The following DCUN1D2 variants were observed in gnomAD, a reference collection of about 807,000 sequenced individuals.
The protein encoded by DCUN1D2 is DCN1-like protein 2.
DCUN1D2 carries 29 observed loss-of-function variants against 30.9 expected under a neutral mutation model. That is an observed-to-expected ratio of 0.94 (90% CI 0.70 to 1.28). The LOEUF is 1.28. Ranked by LOEUF, DCUN1D2 falls within the 50% of genes most tolerant of loss-of-function variation. The probability of loss-of-function intolerance (pLI) is 0.00; values close to 1 mark genes in which losing one functional copy is unlikely to be tolerated. For missense variants in DCUN1D2, 325 were observed against 316.9 expected (o/e 1.03, Z -0.19); for synonymous variants, 121 against 115.3 (o/e 1.05, Z -0.32).
intron 5 of DCUN1D2, among the ~76,000 whole-genome samples, chr13:113,460,278 G>A (rs1368730069): frequency 6.6e-6 from 1 of 152,200 alleles, no homozygotes; most frequent in Non-Finnish European, 1.5e-5. Flanking sequence ...CGTGCCCAAG[G>A]CCACAGGACT....
chr13:113,488,717 C>A lies in DCUN1D2; in HGVS notation c.3+1950G>T, dbSNP rs1017943410. Among the ~76,000 whole-genome samples the A allele has an allele frequency of 3.3e-5, 5 of 152,166 alleles. No individual in the cohort carries two copies. The highest frequency in any genetic ancestry group is 2.0e-4 in the Admixed American group (3 of 15,276). On this transcript the variant is annotated intron_variant, in intron 1 of 6. Coordinates refer to ENST00000478244, the MANE Select transcript of DCUN1D2 (RefSeq NM_001014283.2). This position sits in a 1 kb window ranked among gnomAD's most constrained non-coding sequence, Gnocchi z 4.3. ...GCAAGAAGCTTCGAGTGCACCCAGA[C>A]AGGACTGAACCCAGGTCAATCTAAT...
chr13:113,487,291 A>G (rs1429374685), intron 1 of DCUN1D2, among the ~76,000 whole-genome samples: 2 of 152,248 alleles, frequency 1.3e-5, no homozygotes, highest in African/African-American at 4.8e-5. Flanking sequence ...TGACGCCCTT[A>G]TTATGGAAGT....
At chr13:113,489,741 G>A (rs755586215) in intron 1 of DCUN1D2, among the ~76,000 whole-genome samples, 10 of 151,974 alleles carry the variant, frequency 6.6e-5, no homozygotes, top group Admixed American at 3.3e-4. Flanking sequence ...AGCCGCACAC[G>A]GCTGGCTGCC....
rs41286634 is a variant in DCUN1D2, at chr13:113,457,667, C to T, written c.*362G>A. 8.5e-5 allele frequency: 14 copies of T among 165,542 alleles called. No individual in the cohort carries two copies. The highest frequency in any genetic ancestry group is 2.0e-4 in the South Asian group (1 of 4,966). The allele number at this position is 165,542 out of a possible 1,614,324, so 10.3% of individuals were successfully genotyped here. ...GCCACCGCAACGTCATTCGGCGGGACGCTGCCGGACGCTGGTTCGCCTGAC... is the reference window on the plus strand; with the variant it reads ...GCCACCGCAACGTCATTCGGCGGGATGCTGCCGGACGCTGGTTCGCCTGAC... On this transcript the variant is annotated 3_prime_UTR_variant, in exon 7 of 7. Coordinates refer to ENST00000478244, the MANE Select transcript of DCUN1D2 (RefSeq NM_001014283.2).
Position 113,480,571 on chromosome 13 carries a change from T to C in DCUN1D2, c.389+4A>G. On this transcript the variant is annotated splice_donor_region_variant and intron_variant, in intron 3 of 6. Coordinates refer to ENST00000478244, the MANE Select transcript of DCUN1D2 (RefSeq NM_001014283.2). ...AACATTTAAGCTAAGAATAGTTGAC[T>C]TACCCAAGTTCTGTCATGCCATCTA... 1 of 1,613,920 alleles carries C rather than the reference T, an allele frequency of 6.2e-7. No individual in the cohort carries two copies. The highest frequency in any genetic ancestry group is 1.1e-5 in the South Asian group (1 of 91,024).
chr13:113,457,990 C>T lies in DCUN1D2; in HGVS notation c.*39G>A, dbSNP rs552645330. The T allele has an allele frequency of 1.3e-6, 2 of 1,569,218 alleles. No individual in the cohort carries two copies. The highest frequency in any genetic ancestry group is 1.7e-5 in the Admixed American group (1 of 59,942). ...CTGACTGCAATCTCCTTGCAGGATA[C>T]AAATCATTTCATAATCTTACTCCTG... is the stretch of plus-strand genomic sequence containing the variant. On this transcript the variant is annotated 3_prime_UTR_variant, in exon 7 of 7. Transcript: ENST00000478244.
chr13:113,463,672 A>G (rs1310052081), intron 4 of DCUN1D2, among the ~76,000 whole-genome samples: 2 of 152,238 alleles, frequency 1.3e-5, no homozygotes, highest in African/African-American at 4.8e-5. Flanking sequence ...ACCGTTAGTT[A>G]AGAGTAAAGC....
At chr13:113,479,481 C>T (rs932975767) in intron 3 of DCUN1D2, among the ~76,000 whole-genome samples, 1 of 152,086 alleles carries the variant, frequency 6.6e-6, no homozygotes, top group Non-Finnish European at 1.5e-5. Flanking sequence ...GGGCCAGGCA[C>T]GGTGGCTCCC....
In DCUN1D2 at chr13:113,461,048, A is replaced by G. The variant is rs778665538; in HGVS notation, c.603+6T>C. The stretch of plus-strand genomic sequence containing the variant: ...GGCACACAGCGAGATGCAGGAGGAC[A>G]CTTACCATTAAGAATGTGTTCCAGA... On this transcript the variant is annotated splice_donor_region_variant and intron_variant, in intron 5 of 6. Coordinates refer to ENST00000478244, the MANE Select transcript of DCUN1D2 (RefSeq NM_001014283.2). 1 of 1,591,904 alleles carries G rather than the reference A, an allele frequency of 6.3e-7. No individual in the cohort carries two copies. Among genetic ancestry groups the G allele is most frequent in the Non-Finnish European group, 8.6e-7 (1 of 1,161,566 alleles).
rs1411473032 is a variant in DCUN1D2 at position 113,490,010 on chromosome 13, C to T, written c.3+657G>A. On this transcript the variant is annotated intron_variant, in intron 1 of 6. Transcript: ENST00000478244. This position sits in a 1 kb window ranked among gnomAD's most constrained non-coding sequence, Gnocchi z 5.2. ...CAGCAGCACCTTGCTGGCCTCTGAA[C>T]CGATGTGGACTGAATAAATCCCATC... Among the ~76,000 whole-genome samples the T allele has an allele frequency of 6.6e-6, 1 of 152,188 alleles. No homozygotes were observed. The highest frequency in any genetic ancestry group is 1.5e-5 in the Non-Finnish European group (1 of 68,036).
upstream of DCUN1D2, chr13:113,490,807 G>C: frequency 1.3e-6 from 1 of 794,200 alleles, no homozygotes; most frequent in African/African-American, 1.8e-5. The surrounding 1 kb of genome is among the most constrained non-coding windows in gnomAD (Gnocchi z 5.2). Context: ...TCCCACTCCC[G>C]GCATGCTCAG....
chr13:113,467,196 T>C (rs1267728832), intron 4 of DCUN1D2, among the ~76,000 whole-genome samples: 2 of 152,244 alleles, frequency 1.3e-5, no homozygotes, highest in Non-Finnish European at 2.9e-5. Flanking sequence ...CCAGCCAGTT[T>C]AGACCACAAG....
intron 4 of DCUN1D2, among the ~76,000 whole-genome samples, chr13:113,471,935 A>G (rs2044523064): frequency 6.6e-6 from 1 of 152,186 alleles, no homozygotes; most frequent in African/African-American, 2.4e-5. Flanking sequence ...CAGAGCAAAG[A>G]CCACCCACAA....
chr13:113,456,108 G>A lies in DCUN1D2; in HGVS notation c.*1921C>T, dbSNP rs2044221908. 1 of 397,976 alleles carries A rather than the reference G, an allele frequency of 2.5e-6. No homozygotes were observed. The highest frequency in any genetic ancestry group is 2.1e-5 in the African/African-American group (1 of 48,620). The allele number at this position is 397,976 out of a possible 1,614,324, so 24.7% of individuals were successfully genotyped here. A position where few individuals can be genotyped will look rare whatever the true frequency, so the allele number is the denominator to read the frequency against. ...TGGAAGATACGCTCACGTTTTTGAGGTTTGTATTAATGCCAGTTTTTATTG... is the reference window on the plus strand; with the variant it reads ...TGGAAGATACGCTCACGTTTTTGAGATTTGTATTAATGCCAGTTTTTATTG... On this transcript the variant is annotated 3_prime_UTR_variant, in exon 7 of 7. Coordinates refer to ENST00000478244, the MANE Select transcript of DCUN1D2 (RefSeq NM_001014283.2).
chr13:113,478,292 A>G (rs1231955040), intron 3 of DCUN1D2, among the ~76,000 whole-genome samples: 1 of 151,424 alleles, frequency 6.6e-6, no homozygotes, highest in African/African-American at 2.4e-5. Flanking sequence ...CATTTTTCAC[A>G]TACGTTGTCA....
Position 113,456,304 on chromosome 13 carries a change from G to A in DCUN1D2, c.*1725C>T, listed in dbSNP as rs1490104123. On this transcript the variant is annotated 3_prime_UTR_variant, in exon 7 of 7. Coordinates refer to ENST00000478244, the MANE Select transcript of DCUN1D2 (RefSeq NM_001014283.2). ...GTCTGCAGGCTGCAGGTCCCTTCCA[G>A]TCCTGTCCCTGCTGCCCTCTGTGAC... 3 of 398,644 alleles carry A rather than the reference G, an allele frequency of 7.5e-6. No individual in the cohort carries two copies. The highest frequency in any genetic ancestry group is 1.3e-5 in the Non-Finnish European group (3 of 226,174). 24.7% of individuals were successfully genotyped at this position (398,644 alleles called of 1,614,324 possible).
intron 4 of DCUN1D2, among the ~76,000 whole-genome samples, chr13:113,470,536 C>T (rs1328895567): frequency 6.6e-6 from 1 of 152,106 alleles, no homozygotes; most frequent in Non-Finnish European, 1.5e-5. Flanking sequence ...ACAGAGGACC[C>T]AACTCCACAG....
At chr13:113,460,957 C>T in intron 5 of DCUN1D2, 97 bp downstream of exon 5, 2 of 727,962 alleles carry the variant, frequency 2.7e-6, no homozygotes, top group Non-Finnish European at 4.6e-6. Flanking sequence ...CTGAAAACCT[C>T]CACGTGTGAG....
At chr13:113,474,427 G>C (rs577199390) in intron 3 of DCUN1D2, among the ~76,000 whole-genome samples, 173 bp from the exon 4 acceptor site, 1 of 152,106 alleles carries the variant, frequency 6.6e-6, no homozygotes, top group African/African-American at 2.4e-5. Flanking sequence ...AAGAGAAGAT[G>C]GGGGGGCAAC....
Sources: allele counts gnomAD v4.1 joint callset (sites outside exome capture counted in the v4.1 genomes callset), GRCh38; gene constraint gnomAD v4.1.1; non-coding constraint Gnocchi (gnomAD v3.1); transcripts MANE v1.5; gene names NCBI Gene and HGNC (gene_info 2026-07-23, HGNC 2026-07-21).